Variants in FBXO4 observed in about 807,000 individuals in gnomAD.
FBXO4 encodes the protein F-box only protein 4.
FBXO4 carries 36 observed loss-of-function variants against 43.7 expected under a neutral mutation model. The observed-to-expected ratio is 0.82, with a 90% CI of 0.63 to 1.09. The LOEUF (loss-of-function observed/expected upper bound fraction) is 1.09, where lower values mean the gene tolerates loss of function less well. FBXO4 is among the 50% of genes least tolerant of loss of function. FBXO4 has a pLI of 0.00. For synonymous variants in FBXO4, 180 were observed against 165.6 expected (o/e 1.09, Z -0.67); for missense variants, 435 against 474.1 (o/e 0.92, Z 0.77).
the FBXO4 span, among the ~76,000 whole-genome samples, chr5:42,029,437 T>C: frequency 6.6e-6 from 1 of 151,988 alleles, no homozygotes. Context: ...TTGAGTTAAA[T>C]CTGCTTGGTG....
the FBXO4 span, among the ~76,000 whole-genome samples, chr5:41,960,570 A>G: frequency 6.6e-6 from 1 of 152,030 alleles, no homozygotes; most frequent in African/African-American, 2.4e-5. Context: ...AAGGATGTTG[A>G]ATTTTGTTTG....
At chr5:41,997,478 GC>G in the FBXO4 span, among the ~76,000 whole-genome samples, 1 of 152,122 alleles carries the variant, frequency 6.6e-6, no homozygotes, top group Non-Finnish European at 1.5e-5. Context: ...CACCATAATA[GC>G]CCTCACCCTA....
At chr5:41,997,782 T>C in the FBXO4 span, among the ~76,000 whole-genome samples, 2 of 152,190 alleles carry the variant, frequency 1.3e-5, no homozygotes, top group African/African-American at 2.4e-5. Flanking sequence ...GCAATTACTC[T>C]GGTAAAAGGC....
chr5:42,021,202 A>T, the FBXO4 span, among the ~76,000 whole-genome samples: 2 of 152,208 alleles, frequency 1.3e-5, no homozygotes, highest in East Asian at 3.8e-4. Context: ...GAGTTGAAGG[A>T]AGGAAATCAG....
At chr5:41,968,357 C>A in the FBXO4 span, 1 of 153,688 alleles carries the variant, frequency 6.5e-6, no homozygotes, top group South Asian at 1.8e-4. Flanking sequence ...TGAGGGAAGT[C>A]GCAGCCATAG....
intron 5 of FBXO4, among the ~76,000 whole-genome samples, chr5:41,936,357 ATT>A (rs2112582655): frequency 6.6e-6 from 1 of 152,222 alleles, no homozygotes; most frequent in South Asian, 2.1e-4. Flanking sequence ...ACATGGCAAA[ATT>A]TTGCCTCTAC....
the FBXO4 span, among the ~76,000 whole-genome samples, chr5:42,015,598 T>C: frequency 3.9e-5 from 6 of 152,230 alleles, no homozygotes; most frequent in South Asian, 1.2e-3. Context: ...TGTGACACCC[T>C]CCAAATGTCA....
At chr5:42,026,419 T>C in the FBXO4 span, among the ~76,000 whole-genome samples, 1 of 151,936 alleles carries the variant, frequency 6.6e-6, no homozygotes, top group Admixed American at 6.6e-5. Flanking sequence ...TTTTGCATCC[T>C]GCAACTTTCC....
the FBXO4 span, among the ~76,000 whole-genome samples, chr5:41,998,953 C>A: frequency 5.9e-5 from 9 of 152,238 alleles, no homozygotes; most frequent in South Asian, 1.7e-3. Flanking sequence ...AGTTTTCTTT[C>A]ATCACTTTCT....
rs1579969037 is a variant in FBXO4, at chr5:41,925,540, C to G, written c.189+42C>G. ...GGCCGCGGAGGACAGTGGGGCCGGCCCGGGCCGGAGGGACCTCCCCTGGAG... is the reference window on the plus strand; with the variant it reads ...GGCCGCGGAGGACAGTGGGGCCGGCGCGGGCCGGAGGGACCTCCCCTGGAG... On this transcript the variant is annotated intron_variant, in intron 1 of 6. Transcript: ENST00000281623. 7.0e-6 allele frequency: 9 copies of G among 1,283,058 alleles called. No homozygotes were observed. The East Asian group carries it at 1.3e-4, about 18-fold the overall frequency. The allele number at this position is 1,283,058 out of a possible 1,614,324, so 79.5% of individuals were successfully genotyped here.
the FBXO4 span, among the ~76,000 whole-genome samples, chr5:42,019,868 G>T: frequency 1.3e-5 from 2 of 152,026 alleles, no homozygotes; most frequent in East Asian, 3.9e-4. Flanking sequence ...AAATAATTGA[G>T]TGACAAGGTT....
chr5:41,961,448 G>A, the FBXO4 span, among the ~76,000 whole-genome samples: 628 of 152,236 alleles, frequency 4.1e-3, 3 homozygotes, highest in African/African-American at 0.015. Context: ...CATGCCTGGA[G>A]GGACTATGGT....
chr5:41,944,132 C>T (rs1752042985), downstream of FBXO4, among the ~76,000 whole-genome samples: 1 of 152,174 alleles, frequency 6.6e-6, no homozygotes, highest in Non-Finnish European at 1.5e-5. Flanking sequence ...TAACCCAATG[C>T]TATTTTGCAC....
the FBXO4 span, among the ~76,000 whole-genome samples, chr5:41,971,262 A>C: frequency 6.6e-6 from 1 of 151,380 alleles, no homozygotes; most frequent in Admixed American, 6.6e-5. Flanking sequence ...AAAGACCTGG[A>C]AAGGTAAACA....
chr5:41,969,787 GA>G, the FBXO4 span, among the ~76,000 whole-genome samples: 1 of 152,064 alleles, frequency 6.6e-6, no homozygotes, highest in Non-Finnish European at 1.5e-5. Flanking sequence ...ATTACTTGCT[GA>G]TGTCTTACAC....
At chr5:41,979,222 G>C in the FBXO4 span, among the ~76,000 whole-genome samples, 3 of 152,190 alleles carry the variant, frequency 2.0e-5, no homozygotes, top group African/African-American at 7.2e-5. Flanking sequence ...ATAGGTCATA[G>C]AACTCTCTCA....
chr5:42,036,973 C>T, the FBXO4 span, among the ~76,000 whole-genome samples: 1 of 152,046 alleles, frequency 6.6e-6, no homozygotes, highest in Admixed American at 6.6e-5. Context: ...TCAGTTGTTT[C>T]TTGGGTGTAT....
chr5:42,017,777 C>T, the FBXO4 span, among the ~76,000 whole-genome samples: 5 of 150,876 alleles, frequency 3.3e-5, no homozygotes, highest in African/African-American at 1.2e-4. Flanking sequence ...TGATTTCCTG[C>T]CTTTTTTTTT....
the FBXO4 span, among the ~76,000 whole-genome samples, chr5:42,006,130 G>A: frequency 4.6e-3 from 693 of 152,192 alleles, 6 homozygotes; most frequent in Middle Eastern, 0.014. Context: ...TAAGCTGAAA[G>A]CACTGCCTGA....
Sources: gnomAD v4.1 joint callset for allele counts (sites outside exome capture counted in the v4.1 genomes callset) on GRCh38, gnomAD v4.1.1 for gene constraint, MANE v1.5 for transcripts, NCBI Gene and HGNC (gene_info 2026-07-23, HGNC 2026-07-21) for gene names.